UBE2E2: variants seen among roughly 807,000 people sequenced by gnomAD.
UBE2E2 encodes the protein ubiquitin conjugating enzyme E2 E2.
In UBE2E2, 6 loss-of-function variants were observed where a neutral mutation model predicts 24.7. That is an observed-to-expected ratio of 0.24 (90% confidence interval 0.13 to 0.48). The LOEUF (loss-of-function observed/expected upper bound fraction) is 0.48. Among genes scored for constraint, UBE2E2 ranks in the 20% least tolerant of loss-of-function variants. The pLI is 0.99. For synonymous variants in UBE2E2, 104 were observed against 83.6 expected (o/e 1.24, Z -1.33); for missense variants, 169 against 245.0 (o/e 0.69, Z 2.07).
intron 5 of UBE2E2, among the ~76,000 whole-genome samples, chr3:23,575,483 A>T (rs1696326797): frequency 6.6e-6 from 1 of 152,180 alleles, no homozygotes; most frequent in Admixed American, 6.5e-5. Context: ...CCTTCATATT[A>T]GAAAAAATGG....
At chr3:23,573,098 C>T (rs1696262470) in intron 5 of UBE2E2, among the ~76,000 whole-genome samples, 1 of 152,034 alleles carries the variant, frequency 6.6e-6, no homozygotes, top group Non-Finnish European at 1.5e-5. Flanking sequence ...ATATCAAACC[C>T]TACTATAAAG....
chr3:23,402,877 A>G (rs1697265546), intron 3 of UBE2E2, among the ~76,000 whole-genome samples: 1 of 152,204 alleles, frequency 6.6e-6, no homozygotes, highest in Non-Finnish European at 1.5e-5. Context: ...TTGGGCATCA[A>G]ACCAGAGATG....
chr3:23,493,658 A>T (rs1699544684), intron 3 of UBE2E2, among the ~76,000 whole-genome samples: 2 of 152,326 alleles, frequency 1.3e-5, no homozygotes, highest in Non-Finnish European at 2.9e-5. Context: ...TAAACATTCT[A>T]TTCATTGATA....
In UBE2E2 at chr3:23,422,330, G is replaced by A. The variant is rs535182265; in HGVS notation, c.228-77278G>A. Among the ~76,000 whole-genome samples the A allele has an allele frequency of 6.6e-5, 10 of 152,238 alleles. No homozygotes were observed. In the East Asian group the frequency reaches 1.9e-3, roughly 29 times the overall value. Reference sequence around the variant, plus strand: ...AAGTTCTTCCTGAGAGACAACACTTGAATGGTAGAGAAAGTGGTCAACTGG... The same window carrying A: ...AAGTTCTTCCTGAGAGACAACACTTAAATGGTAGAGAAAGTGGTCAACTGG... On this transcript the variant is annotated intron_variant, in intron 3 of 5. Transcript: ENST00000396703.
At chr3:23,448,763 G>A (rs1698489963) in intron 3 of UBE2E2, among the ~76,000 whole-genome samples, 1 of 152,124 alleles carries the variant, frequency 6.6e-6, no homozygotes, top group African/African-American at 2.4e-5. Flanking sequence ...GTAGTAAGCT[G>A]ACCTCTGAAT....
At chr3:23,345,354 C>T (rs1185428489) in intron 3 of UBE2E2, among the ~76,000 whole-genome samples, 1 of 152,104 alleles carries the variant, frequency 6.6e-6, no homozygotes, top group African/African-American at 2.4e-5. Context: ...TTAATGAAGA[C>T]AATATTTTAC....
At chr3:23,567,976 T>C (rs1696116433) in intron 5 of UBE2E2, among the ~76,000 whole-genome samples, 2 of 152,254 alleles carry the variant, frequency 1.3e-5, no homozygotes, top group South Asian at 2.1e-4. Context: ...TATAACACCC[T>C]CTCACAGGAG....
intron 3 of UBE2E2, among the ~76,000 whole-genome samples, chr3:23,251,071 C>G (rs943337973): frequency 6.6e-6 from 1 of 152,196 alleles, no homozygotes; most frequent in Admixed American, 6.5e-5. Context: ...GTTGCCCACG[C>G]TGGTCTCAAA....
At chr3:23,347,912 A>G (rs1695610501) in intron 3 of UBE2E2, among the ~76,000 whole-genome samples, 2 of 152,100 alleles carry the variant, frequency 1.3e-5, no homozygotes, top group African/African-American at 4.8e-5. Context: ...TATCTGGAAC[A>G]CTGTTTCTTA....
At chr3:23,363,258 C>T (rs1575587281) in intron 3 of UBE2E2, among the ~76,000 whole-genome samples, 1 of 152,160 alleles carries the variant, frequency 6.6e-6, no homozygotes. Context: ...TGTGTGATAA[C>T]CAGCTAACAA....
intron 5 of UBE2E2, among the ~76,000 whole-genome samples, chr3:23,533,882 A>G (rs1356873014): frequency 6.6e-6 from 1 of 152,066 alleles, no homozygotes; most frequent in East Asian, 1.9e-4. Context: ...TGGCCCCCCA[A>G]AGTGCTGGGA....
chr3:23,546,620 T>C (rs1695529945), intron 5 of UBE2E2, among the ~76,000 whole-genome samples: 1 of 151,622 alleles, frequency 6.6e-6, no homozygotes, highest in Middle Eastern at 3.4e-3. Flanking sequence ...ATTACAGGCA[T>C]GCACCACCAC....
At chr3:23,321,147 G>A (rs1010896307) in intron 3 of UBE2E2, among the ~76,000 whole-genome samples, 4 of 152,154 alleles carry the variant, frequency 2.6e-5, no homozygotes, top group African/African-American at 4.8e-5. Context: ...CATGGTGTTC[G>A]CCCCTATATG....
chr3:23,239,578 A>T (rs563269664), intron 3 of UBE2E2, among the ~76,000 whole-genome samples: 20 of 152,178 alleles, frequency 1.3e-4, no homozygotes, highest in African/African-American at 4.8e-4. Context: ...TAATTAAAGC[A>T]TTTAGTTTTA....
At chr3:23,286,248 T>TCA (rs879682874) in intron 3 of UBE2E2, among the ~76,000 whole-genome samples, 1 of 152,204 alleles carries the variant, frequency 6.6e-6, no homozygotes, top group Non-Finnish European at 1.5e-5. Context: ...AAATCTTTGC[T>TCA]CAGTCCAGTG....
chr3:23,462,688 G>A (rs1049460738), intron 3 of UBE2E2, among the ~76,000 whole-genome samples: 2 of 152,076 alleles, frequency 1.3e-5, no homozygotes, highest in African/African-American at 4.8e-5. Flanking sequence ...AGATTTCAAT[G>A]TGAAAAAAAA....
chr3:23,444,505 A>G (rs1698382447), intron 3 of UBE2E2, among the ~76,000 whole-genome samples: 1 of 152,188 alleles, frequency 6.6e-6, no homozygotes. Context: ...TGAAAGTAGG[A>G]TGGGTAGAAA....
At chr3:23,542,693 C>G (rs768225912) in intron 5 of UBE2E2, among the ~76,000 whole-genome samples, 1 of 151,980 alleles carries the variant, frequency 6.6e-6, no homozygotes, top group African/African-American at 2.4e-5. Flanking sequence ...ATAATACCTG[C>G]TTATTAATTT....
At chr3:23,558,360 C>T (rs1190660499) in intron 5 of UBE2E2, among the ~76,000 whole-genome samples, 1 of 152,174 alleles carries the variant, frequency 6.6e-6, no homozygotes, top group Non-Finnish European at 1.5e-5. Flanking sequence ...CTCTGCCCCT[C>T]AGTTTATACA....
Sources: allele counts gnomAD v4.1 joint callset (sites outside exome capture counted in the v4.1 genomes callset), GRCh38; gene constraint gnomAD v4.1.1; transcripts MANE v1.5; gene names NCBI Gene and HGNC (gene_info 2026-07-23, HGNC 2026-07-21).